TMEM259: variants seen among roughly 807,000 people sequenced by gnomAD.
TMEM259 encodes transmembrane protein 259.
Under a neutral mutation model 46.7 loss-of-function variants are expected in TMEM259, and 26 were observed. The ratio of observed to expected loss-of-function variants is 0.56; its 90% confidence interval spans 0.41 to 0.77. TMEM259 has a LOEUF of 0.77. Among genes scored for constraint, TMEM259 ranks in the 30% least tolerant of loss-of-function variants. TMEM259 has a pLI of 0.00. For synonymous variants in TMEM259, 494 were observed against 395.1 expected, an observed-to-expected ratio of 1.25 and a Z score of -2.97; for missense variants, 930 against 900.5, an observed-to-expected ratio of 1.03 and a Z score of -0.42.
intron 1 of TMEM259, 110 bp from the exon 2 acceptor site, chr19:1,014,583 A>T: frequency 1.6e-6 from 2 of 1,283,310 alleles, no homozygotes; most frequent in Non-Finnish European, 2.1e-6. Context: ...CAGGACGGGG[A>T]AAGGAAGGAA....
Position 1,010,648 on chromosome 19 carries a change from G to A in TMEM259, c.1565C>T (p.Ser522Phe). 1 of 1,540,454 alleles carries A rather than the reference G, an allele frequency of 6.5e-7. No individual in the cohort carries two copies. The highest frequency in any genetic ancestry group is 8.7e-7 in the Non-Finnish European group (1 of 1,147,600). ...SPGPVAAAPS[S>F]LVAAAASVAA... is the part of the protein sequence containing the mutation. Reference sequence around the variant, plus strand: ...CACTGAGGCTGCCGCGGCCACCAGGGAGCTGGGCGCCGCTGCCACAGGCCC... The same window carrying A: ...CACTGAGGCTGCCGCGGCCACCAGGAAGCTGGGCGCCGCTGCCACAGGCCC... Residue 522 changes from serine (S) to phenylalanine (F), a missense_variant, in exon 11 of 11, where the codon TCC becomes TTC. Transcript: ENST00000356663.
chr19:1,010,669 G>T lies in TMEM259; in HGVS notation c.1544C>A (p.Pro515His). 1 of 1,535,172 alleles carries T rather than the reference G, an allele frequency of 6.5e-7. No homozygotes were observed. The highest frequency in any genetic ancestry group is 8.7e-7 in the Non-Finnish European group (1 of 1,145,930). ...CAGGGAGCTGGGCGCCGCTGCCACA[G>T]GCCCGGGACTCCCGCTGGCCCCAGG... ...VSPGASGSPG[P>H]VAAAPSSLVA... is the part of the protein sequence containing the mutation. Residue 515 changes from proline to histidine, a missense_variant, in exon 11 of 11, where the codon CCT (proline) becomes CAT (histidine). Pro to His is a moderately conservative substitution (Grantham distance 77). Transcript: ENST00000356663.
Position 1,011,086 on chromosome 19 carries a change from C to A in TMEM259, c.1317+10G>T. The A allele has an allele frequency of 6.3e-7, 1 of 1,578,070 alleles. No individual in the cohort carries two copies. The highest frequency in any genetic ancestry group is 1.1e-5 in the South Asian group (1 of 86,998). On this transcript the variant is annotated intron_variant, in intron 10 of 10. Transcript: ENST00000356663. ...GCTGGCCTGCCCCCTGCTTGCCGCC[C>A]AGGCCTCACCTGGATGAAGAGCCAG... is the stretch of plus-strand genomic sequence containing the variant.
chr19:1,020,953 T>C lies in TMEM259; in HGVS notation c.44A>G (p.Asn15Ser). ...VEPAAPGPGP[N>S]GGGGGPAPAR... ...GGGGGCCGGGCCGCCGCCGCCGCCG[T>C]TGGGCCCGGGCCCCGGAGCTGCGGG... Residue 15 changes from asparagine to serine, a missense_variant, in exon 1 of 11, where the codon AAC becomes AGC. Transcript: ENST00000356663. This position sits in a 1 kb window ranked among gnomAD's most constrained non-coding sequence, Gnocchi z 4.0. 2.4e-6 allele frequency: 3 copies of C among 1,266,164 alleles called. No homozygotes were observed. The highest frequency in any genetic ancestry group is 2.0e-6 in the Non-Finnish European group (2 of 1,004,654). 78.4% of individuals were successfully genotyped at this position (1,266,164 alleles called of 1,614,324 possible).
At chr19:1,016,211 G>A (rs559543585) in intron 1 of TMEM259, among the ~76,000 whole-genome samples, 43 of 152,284 alleles carry the variant, frequency 2.8e-4, no homozygotes, top group African/African-American at 9.6e-4. Context: ...TGGGCGGGGG[G>A]AGGGGGCAGG....
chr19:1,012,107 A>T lies in TMEM259; in HGVS notation c.800T>A (p.Met267Lys). The T allele has an allele frequency of 6.2e-7, 1 of 1,611,560 alleles. No homozygotes were observed. ...CTCGGCCAGGCCCTTCACGCTGGAC[A>T]TGAGGATGTCATCGTAGCCCAGGAA... ...DEFLGYDDIL[M>K]SSVKGLAENE... Residue 267 changes from methionine to lysine, a missense_variant, in exon 5 of 11, where the codon ATG becomes AAG. Coordinates refer to ENST00000356663, the MANE Select transcript of TMEM259 (RefSeq NM_001033026.2).
chr19:1,010,457 G>A lies in TMEM259; in HGVS notation c.1756C>T (p.Pro586Ser), dbSNP rs2038865014. ...LPHAPQDSVP[P>S]SDSAASDTTP... is the part of the protein sequence containing the mutation. ...GTGTCAGAAGCTGCGGAGTCACTCG[G>A]GGGGACACTGTCCTGGGGGGCGTGG... is the stretch of plus-strand genomic sequence containing the variant. Residue 586 changes from proline to serine, a missense_variant, in exon 11 of 11, where the codon CCG (proline) becomes TCG (serine). Transcript: ENST00000356663. 6.5e-7 allele frequency: 1 copy of A among 1,540,120 alleles called. No homozygotes were observed. The highest frequency in any genetic ancestry group is 8.7e-7 in the Non-Finnish European group (1 of 1,143,292).
At position 1,009,662 on chromosome 19, in the gene TMEM259, C is replaced by A; in HGVS notation, c.*688G>T. 1 of 1,276,166 alleles carries A rather than the reference C, an allele frequency of 7.8e-7. No homozygotes were observed. Among genetic ancestry groups the A allele is most frequent in the Non-Finnish European group, 1.0e-6 (1 of 986,686 alleles). 79.1% of individuals were successfully genotyped at this position (1,276,166 alleles called of 1,614,324 possible). On this transcript the variant is annotated 3_prime_UTR_variant, in exon 11 of 11. Coordinates refer to ENST00000356663, the MANE Select transcript of TMEM259 (RefSeq NM_001033026.2). ...ACACAGCGCAGTGAGCCGCTGTCAACAGACAGTTTATTCTATATACAAACA... is the reference window on the plus strand; with the variant it reads ...ACACAGCGCAGTGAGCCGCTGTCAAAAGACAGTTTATTCTATATACAAACA...
intron 3 of TMEM259, among the ~76,000 whole-genome samples, chr19:1,012,977 T>TC (rs2038987212): frequency 6.6e-6 from 1 of 152,054 alleles, no homozygotes; most frequent in Non-Finnish European, 1.5e-5. Flanking sequence ...AACTCTGAGC[T>TC]CAGAGCCGAA....
chr19:1,017,154 T>C (rs2039137325), intron 1 of TMEM259: 1 of 397,776 alleles, frequency 2.5e-6, no homozygotes, highest in East Asian at 3.6e-5. Flanking sequence ...GAGTCCCGGG[T>C]CCTCCTCCCC....
chr19:1,016,207 G>T (rs2240166), intron 1 of TMEM259, among the ~76,000 whole-genome samples: 20,057 of 152,208 alleles, frequency 0.13, 1,547 homozygotes, highest in Middle Eastern at 0.26. Context: ...GGGGTGGGCG[G>T]GGGGAGGGGG....
chr19:1,020,647 AGGCCTCAGGGT>A lies in TMEM259; in HGVS notation c.225+114_225+124del. On this transcript the variant is annotated intron_variant, in intron 1 of 10. Coordinates refer to ENST00000356663, the MANE Select transcript of TMEM259 (RefSeq NM_001033026.2). This position sits in a 1 kb window ranked among gnomAD's most constrained non-coding sequence, Gnocchi z 4.0. ...AGCCCTAATCGGTAGGGCCGGGTAT[AGGCCTCAGGGT>A]GCAGGGTGGCGCTCGCTGTCCCCAG... 1 of 592,052 alleles carries A rather than the reference AGGCCTCAGGGT, an allele frequency of 1.7e-6. No individual in the cohort carries two copies. 36.7% of individuals were successfully genotyped at this position (592,052 alleles called of 1,614,324 possible).
At chr19:1,014,520 G>C (rs780972431) in intron 1 of TMEM259, 47 bp from the exon 2 acceptor site, 1 of 1,580,914 alleles carries the variant, frequency 6.3e-7, no homozygotes, top group Non-Finnish European at 8.6e-7. Context: ...GCCAGCTGCA[G>C]CCGACACCCA....
At position 1,011,156 on chromosome 19, in the gene TMEM259, G is replaced by C. The variant is rs754055799; in HGVS notation, c.1257C>G (p.His419Gln). 2.5e-6 allele frequency: 4 copies of C among 1,605,428 alleles called. No individual in the cohort carries two copies. The highest frequency in any genetic ancestry group is 3.4e-6 in the Non-Finnish European group (4 of 1,175,790). The change falls in exon 10 of 11, where the codon CAC (histidine) becomes CAG (glutamine). Residue 419 changes from histidine (H) to glutamine (Q), a missense_variant. By Grantham distance (24) the His-to-Gln change is conservative. Coordinates refer to ENST00000356663, the MANE Select transcript of TMEM259 (RefSeq NM_001033026.2). ...YLYHFAFYAY[H>Q]YRFNGQYSSL... is the part of the protein sequence containing the mutation. ...TGCTATACTGCCCATTGAAGCGGTAGTGATAGGCATAGAAGGCGAAGTGGT... is the reference window on the plus strand; with the variant it reads ...TGCTATACTGCCCATTGAAGCGGTACTGATAGGCATAGAAGGCGAAGTGGT...
chr19:1,013,963 A>C (rs989315668), intron 2 of TMEM259, among the ~76,000 whole-genome samples: 2 of 152,072 alleles, frequency 1.3e-5, no homozygotes, highest in African/African-American at 4.8e-5. Flanking sequence ...GTCCTCCCCG[A>C]GATCCCCCTG....
rs937715984 is a variant in TMEM259, at chr19:1,020,395, C to G, written c.225+377G>C. ...GGGGTCAAAGGGCGGGAGGTGCTAC[C>G]TCGCAGGCCAGGACCGGACTCCAAG... On this transcript the variant is annotated intron_variant, in intron 1 of 10. Coordinates refer to ENST00000356663, the MANE Select transcript of TMEM259 (RefSeq NM_001033026.2). This position sits in a 1 kb window ranked among gnomAD's most constrained non-coding sequence, Gnocchi z 4.0. Among the ~76,000 whole-genome samples the G allele has an allele frequency of 3.3e-5, 5 of 152,126 alleles. No individual in the cohort carries two copies. Among genetic ancestry groups the G allele is most frequent in the Non-Finnish European group, 5.9e-5 (4 of 68,020 alleles).
At chr19:1,011,714 C>G in intron 7 of TMEM259, 27 bp downstream of exon 7, 1 of 1,533,216 alleles carries the variant, frequency 6.5e-7, no homozygotes, top group Non-Finnish European at 8.8e-7. Context: ...GGACGCCCGC[C>G]CCGCCCTGCG....
At chr19:1,017,625 A>C (rs1300272278) in intron 1 of TMEM259, among the ~76,000 whole-genome samples, 2 of 151,876 alleles carry the variant, frequency 1.3e-5, no homozygotes, top group Non-Finnish European at 2.9e-5. Flanking sequence ...CGCCTCCTCC[A>C]GGAAGCTTCC....
chr19:1,017,747 C>T (rs1200334952), intron 1 of TMEM259, among the ~76,000 whole-genome samples: 3 of 152,202 alleles, frequency 2.0e-5, no homozygotes, highest in Non-Finnish European at 4.4e-5. Flanking sequence ...TGCCCGCTCT[C>T]TGGGTATTTG....
Sources: allele counts gnomAD v4.1 joint callset (sites outside exome capture counted in the v4.1 genomes callset), GRCh38; gene constraint gnomAD v4.1.1; non-coding constraint Gnocchi (gnomAD v3.1); transcripts MANE v1.5; gene names NCBI Gene and HGNC (gene_info 2026-07-23, HGNC 2026-07-21).